BTRC: variants seen among roughly 807,000 people sequenced by gnomAD.
The protein encoded by BTRC is beta-transducin repeat containing E3 ubiquitin protein ligase.
In BTRC, 42 loss-of-function variants were observed where a neutral mutation model predicts 85.5. The ratio of observed to expected loss-of-function variants is 0.49; its 90% CI spans 0.38 to 0.64. The LOEUF (loss-of-function observed/expected upper bound fraction) is 0.64, where lower values mean the gene tolerates loss of function less well. Ranked by LOEUF, BTRC falls within the 30% of genes least tolerant of loss-of-function variation. The pLI is 0.00. For synonymous variants in BTRC, 255 were observed against 263.3 expected, an observed-to-expected ratio of 0.97 and a Z score of 0.30; for missense variants, 594 against 743.5, an observed-to-expected ratio of 0.80 and a Z score of 2.34.
intron 4 of BTRC, among the ~76,000 whole-genome samples, chr10:101,514,454 C>T (rs1308648042): frequency 7.0e-6 from 1 of 142,528 alleles, no homozygotes; most frequent in East Asian, 2.0e-4. Context: ...ACAATCCTTT[C>T]CCTATTTAAT....
At chr10:101,532,466 G>T in intron 8 of BTRC, 34 bp downstream of exon 8, 1 of 1,568,156 alleles carries the variant, frequency 6.4e-7, no homozygotes, top group South Asian at 1.2e-5. Flanking sequence ...AGGTAGCAGA[G>T]GGAGCAAGAG....
At chr10:101,491,381 G>T (rs1363311720) in intron 4 of BTRC, among the ~76,000 whole-genome samples, 1 of 152,034 alleles carries the variant, frequency 6.6e-6, no homozygotes, top group East Asian at 1.9e-4. Flanking sequence ...ACTTAAACTT[G>T]GTTATTAATT....
chr10:101,488,110 ATT>A (rs1474260802), intron 4 of BTRC, among the ~76,000 whole-genome samples: 4 of 152,160 alleles, frequency 2.6e-5, no homozygotes, highest in African/African-American at 7.2e-5. Flanking sequence ...GAGGAATTAC[ATT>A]TTTTAAAGTT....
Position 101,555,821 on chromosome 10 carries a change from C to T in BTRC, c.*2698C>T, listed in dbSNP as rs375176118. The stretch of plus-strand genomic sequence containing the variant: ...CTTCTCACTAAAATTTACTTTCCAA[C>T]GTAGGGCCTAAAGGAAACCTTTCTT... On this transcript the variant is annotated 3_prime_UTR_variant, in exon 15 of 15. Coordinates refer to ENST00000370187, the MANE Select transcript of BTRC (RefSeq NM_033637.4). 6 of 152,252 alleles carry T rather than the reference C, an allele frequency of 3.9e-5. No individual in the cohort carries two copies. Among genetic ancestry groups the T allele is most frequent in the Admixed American group, 1.3e-4 (2 of 15,280 alleles). The allele number at this position is 152,252 out of a possible 1,614,324, so 9.4% of individuals were successfully genotyped here. A position where few individuals can be genotyped will look rare whatever the true frequency, so the allele number is the denominator to read the frequency against.
chr10:101,487,942 T>C (rs1449940454), intron 4 of BTRC, among the ~76,000 whole-genome samples: 1 of 152,252 alleles, frequency 6.6e-6, no homozygotes, highest in African/African-American at 2.4e-5. Context: ...TAAGAAATAC[T>C]GCCTACTTTC....
chr10:101,403,426 G>A (rs779480356), intron 1 of BTRC, among the ~76,000 whole-genome samples: 31 of 152,202 alleles, frequency 2.0e-4, no homozygotes, highest in Middle Eastern at 6.8e-3. Flanking sequence ...TCCTTTTTCT[G>A]TGTTGCTGGA....
At chr10:101,463,436 TC>T (rs1945282765) in intron 3 of BTRC, among the ~76,000 whole-genome samples, 1 of 152,170 alleles carries the variant, frequency 6.6e-6, no homozygotes, top group Admixed American at 6.5e-5. Context: ...CAGCTTGGCC[TC>T]CCAAAGTGCT....
chr10:101,533,973 T>C (rs1172743447), intron 9 of BTRC, among the ~76,000 whole-genome samples: 1 of 152,184 alleles, frequency 6.6e-6, no homozygotes, highest in African/African-American at 2.4e-5. Context: ...AAAAATGATA[T>C]TCTATAAAAG....
intron 4 of BTRC, among the ~76,000 whole-genome samples, chr10:101,507,444 G>A (rs541052063): frequency 5.3e-5 from 8 of 152,314 alleles, no homozygotes; most frequent in East Asian, 1.9e-4. Context: ...GTGCCGCTCC[G>A]ATCCGGGGAA....
chr10:101,522,482 G>A (rs1392928339), intron 5 of BTRC, among the ~76,000 whole-genome samples: 5 of 122,108 alleles, frequency 4.1e-5, no homozygotes, highest in Middle Eastern at 6.7e-3. Context: ...GTGCAGTGGC[G>A]CGATCTCGGC....
chr10:101,493,109 TA>T (rs1465973597), intron 4 of BTRC, among the ~76,000 whole-genome samples: 1 of 152,240 alleles, frequency 6.6e-6, no homozygotes, highest in Non-Finnish European at 1.5e-5. Flanking sequence ...AAAGGTTATT[TA>T]TAAAAGACTA....
rs1564730532 is a variant in BTRC at position 101,366,951 on chromosome 10, T to TATAA, written c.48+12726_48+12727insAATA. On this transcript the variant is annotated intron_variant, in intron 1 of 14. Transcript: ENST00000370187. The stretch of plus-strand genomic sequence containing the variant: ...ATTTATATATATTTATATATATTTA[T>TATAA]ATATATATTTATATAAATATATATT... 2.3e-3 allele frequency among the ~76,000 whole-genome samples: 120 copies of TATAA among 52,934 alleles called. 6 individuals are homozygous for TATAA. Among genetic ancestry groups the TATAA allele is most frequent in the Admixed American group, 0.012 (31 of 2,630 alleles). 34.7% of individuals were successfully genotyped at this position (52,934 alleles called of 152,430 possible). A position where few individuals can be genotyped will look rare whatever the true frequency, so the allele number is the denominator to read the frequency against.
chr10:101,486,641 A>G (rs1431366885), intron 4 of BTRC, among the ~76,000 whole-genome samples: 3 of 152,194 alleles, frequency 2.0e-5, no homozygotes, highest in Admixed American at 6.5e-5. Flanking sequence ...TCTATTATTT[A>G]TACCTTCATC....
chr10:101,472,921 GC>G (rs1945573032), intron 3 of BTRC, among the ~76,000 whole-genome samples: 1 of 152,036 alleles, frequency 6.6e-6, no homozygotes. Context: ...ACTGTGATGG[GC>G]CTATATGTGT....
At chr10:101,443,195 T>G (rs896885560) in intron 2 of BTRC, among the ~76,000 whole-genome samples, 4 of 152,136 alleles carry the variant, frequency 2.6e-5, no homozygotes, top group Non-Finnish European at 1.5e-5. Flanking sequence ...GTTGTTCTAC[T>G]TAATAGTTTA....
chr10:101,400,511 G>C (rs1784973207), intron 1 of BTRC, among the ~76,000 whole-genome samples: 1 of 152,154 alleles, frequency 6.6e-6, no homozygotes, highest in South Asian at 2.1e-4. Flanking sequence ...AAACACATCT[G>C]TAGAGGAAGA....
At chr10:101,408,181 G>A (rs1303129030) in intron 1 of BTRC, among the ~76,000 whole-genome samples, 1 of 152,162 alleles carries the variant, frequency 6.6e-6, no homozygotes, top group African/African-American at 2.4e-5. Flanking sequence ...GTGACTAGTG[G>A]TTATTGTATT....
At chr10:101,492,752 A>T (rs1308439603) in intron 4 of BTRC, among the ~76,000 whole-genome samples, 2 of 152,160 alleles carry the variant, frequency 1.3e-5, no homozygotes, top group Non-Finnish European at 2.9e-5. Flanking sequence ...TTTTCTTACG[A>T]AAGATGGAGT....
intron 4 of BTRC, among the ~76,000 whole-genome samples, chr10:101,507,803 A>G (rs769702933): frequency 2.6e-5 from 4 of 152,206 alleles, no homozygotes; most frequent in Admixed American, 1.3e-4. Context: ...GTCTGTGCCT[A>G]TTTCAATCAT....
Sources: gnomAD v4.1 joint callset for allele counts (sites outside exome capture counted in the v4.1 genomes callset) on GRCh38, gnomAD v4.1.1 for gene constraint, MANE v1.5 for transcripts, NCBI Gene and HGNC (gene_info 2026-07-23, HGNC 2026-07-21) for gene names.